Variants in LRBA observed in about 807,000 individuals in gnomAD.
The protein encoded by LRBA is lipopolysaccharide-responsive and beige-like anchor protein.
Under a neutral mutation model 330.0 loss-of-function variants are expected in LRBA, and 176 were observed. The ratio of observed to expected loss-of-function variants is 0.53; its 90% CI spans 0.47 to 0.60. The LOEUF is 0.60. LRBA is among the 20% of genes least tolerant of loss of function. The pLI, the probability that LRBA is intolerant of heterozygous loss-of-function variation, is 0.00. For missense variants in LRBA, 3,259 were observed against 3,444.8 expected (o/e 0.95, Z 1.35); for synonymous variants, 1,230 against 1,193.0 (o/e 1.03, Z -0.64).
chr4:150,649,546 C>T (rs560754950), intron 37 of LRBA, among the ~76,000 whole-genome samples: 3 of 152,258 alleles, frequency 2.0e-5, no homozygotes, highest in South Asian at 2.1e-4. Context: ...TCCCTGACCT[C>T]ATAGCTACAA....
At chr4:150,944,141 C>A (rs976705025) in intron 2 of LRBA, among the ~76,000 whole-genome samples, 6 of 152,176 alleles carry the variant, frequency 3.9e-5, no homozygotes, top group Admixed American at 3.3e-4. Context: ...ATCTAGCCAA[C>A]CTACTCCCAA....
intron 40 of LRBA, among the ~76,000 whole-genome samples, chr4:150,524,068 C>A (rs1244809720): frequency 6.6e-6 from 1 of 152,118 alleles, no homozygotes; most frequent in East Asian, 1.9e-4. Flanking sequence ...AATTGTGAAT[C>A]AGATGGTTCC....
intron 2 of LRBA, among the ~76,000 whole-genome samples, chr4:150,942,365 T>C (rs1236300083): frequency 6.6e-6 from 1 of 152,216 alleles, no homozygotes; most frequent in Non-Finnish European, 1.5e-5. Flanking sequence ...TTAAATTTGG[T>C]ATTCTCTACA....
chr4:150,440,606 T>C (rs1038791323), intron 44 of LRBA, among the ~76,000 whole-genome samples: 7 of 151,952 alleles, frequency 4.6e-5, no homozygotes, highest in Admixed American at 6.6e-5. Context: ...TGAGATCCTG[T>C]CTCTATAAAA....
At chr4:150,864,881 A>C (rs907669759) in intron 22 of LRBA, among the ~76,000 whole-genome samples, 2 of 152,042 alleles carry the variant, frequency 1.3e-5, no homozygotes, top group African/African-American at 4.8e-5. Flanking sequence ...TCCTGACCTC[A>C]AGTGATCCAG....
At position 150,817,267 on chromosome 4, in the gene LRBA, A is replaced by G. The variant is rs1744743086; in HGVS notation, c.5172-10T>C. On this transcript the variant is annotated splice_polypyrimidine_tract_variant and intron_variant, in intron 30 of 56. Coordinates refer to ENST00000651943, the MANE Select transcript of LRBA (RefSeq NM_001364905.1). ...TGCAACAATGACACTTCTGTAATAA[A>G]GAAAGTAAACAGACTGAAAGATACA... is the stretch of plus-strand genomic sequence containing the variant. The G allele has an allele frequency of 1.2e-6, 2 of 1,610,672 alleles. No individual in the cohort carries two copies. Among genetic ancestry groups the G allele is most frequent in the Admixed American group, 3.3e-5 (2 of 59,780 alleles).
Position 150,282,499 on chromosome 4 carries a change from C to T in LRBA, c.8267G>A (p.Ser2756Asn), listed in dbSNP as rs1747668514. ...FYENGLFCTFSVNGKLQATME... is the reference protein window; with the variant it reads ...FYENGLFCTFNVNGKLQATME... ...CGTGGCCTGGAGTTTTCCATTCACACTGAATGTACAGAAGAGGCCGTTTTC... is the reference window on the plus strand; with the variant it reads ...CGTGGCCTGGAGTTTTCCATTCACATTGAATGTACAGAAGAGGCCGTTTTC... The change falls in exon 55 of 57, where the codon AGT becomes AAT. Residue 2756 changes from serine (S) to asparagine (N), a missense_variant. Ser to Asn is a conservative substitution (Grantham distance 46). Transcript: ENST00000651943. The T allele has an allele frequency of 6.2e-7, 1 of 1,614,110 alleles. No homozygotes were observed. The highest frequency in any genetic ancestry group is 1.1e-5 in the South Asian group (1 of 91,090).
At chr4:150,801,539 A>G (rs1011796512) in intron 33 of LRBA, among the ~76,000 whole-genome samples, 3 of 152,218 alleles carry the variant, frequency 2.0e-5, no homozygotes, top group African/African-American at 7.2e-5. Context: ...ATTTCCATAT[A>G]AACTTTTCCT....
chr4:150,652,758 A>G (rs2126775598), intron 37 of LRBA, among the ~76,000 whole-genome samples: 1 of 152,332 alleles, frequency 6.6e-6, no homozygotes, highest in South Asian at 2.1e-4. Flanking sequence ...GAGACTAACC[A>G]CATTTGAAGT....
At chr4:150,996,708 T>C (rs1742685304) in intron 2 of LRBA, among the ~76,000 whole-genome samples, 1 of 152,158 alleles carries the variant, frequency 6.6e-6, no homozygotes, top group Admixed American at 6.5e-5. Context: ...TCCTGACAAA[T>C]TTAATCAAAT....
chr4:150,269,096 A>G (rs1228612764), intron 56 of LRBA, among the ~76,000 whole-genome samples: 2 of 152,234 alleles, frequency 1.3e-5, no homozygotes, highest in Admixed American at 1.3e-4. Context: ...AACAATGAGC[A>G]GTCCAAAAGG....
intron 51 of LRBA, among the ~76,000 whole-genome samples, chr4:150,312,150 A>C (rs1359511407): frequency 6.6e-6 from 1 of 152,150 alleles, no homozygotes; most frequent in African/African-American, 2.4e-5. Context: ...GAGTGACCAC[A>C]AAGTACCCAT....
chr4:150,760,554 A>AACAC (rs143415433), intron 35 of LRBA, among the ~76,000 whole-genome samples: 1,826 of 148,002 alleles, frequency 0.012, 30 homozygotes, highest in African/African-American at 0.039. Context: ...ACACCTCTCC[A>AACAC]ACACACACAC....
chr4:150,350,872 ATATT>A (rs905171533), intron 47 of LRBA, among the ~76,000 whole-genome samples: 72 of 152,200 alleles, frequency 4.7e-4, no homozygotes, highest in African/African-American at 1.7e-3. Flanking sequence ...TCCACTTGAA[ATATT>A]TATTATTTTT....
At chr4:150,918,471 G>C (rs567420203) in intron 5 of LRBA, among the ~76,000 whole-genome samples, 1 of 152,114 alleles carries the variant, frequency 6.6e-6, no homozygotes, top group Non-Finnish European at 1.5e-5. Flanking sequence ...GATACTGGCC[G>C]GGCACGGTGG....
intron 4 of LRBA, among the ~76,000 whole-genome samples, chr4:150,924,679 T>G (rs1284660524): frequency 6.6e-6 from 1 of 152,180 alleles, no homozygotes; most frequent in Non-Finnish European, 1.5e-5. Context: ...TTCACTGCAC[T>G]GCTATAACAG....
At chr4:151,004,479 A>G (rs1743780363) in intron 2 of LRBA, among the ~76,000 whole-genome samples, 1 of 152,216 alleles carries the variant, frequency 6.6e-6, no homozygotes, top group Non-Finnish European at 1.5e-5. Context: ...TGATTTCATC[A>G]CACTACTCAG....
At chr4:150,476,831 C>T (rs966100262) in intron 42 of LRBA, among the ~76,000 whole-genome samples, 5 of 152,120 alleles carry the variant, frequency 3.3e-5, no homozygotes, top group Non-Finnish European at 1.5e-5. Context: ...TATGCTTGTA[C>T]TGTAAGAGCT....
intron 40 of LRBA, among the ~76,000 whole-genome samples, chr4:150,545,015 G>A (rs1242489829): frequency 6.6e-6 from 1 of 152,122 alleles, no homozygotes; most frequent in East Asian, 1.9e-4. Flanking sequence ...GATGTGAAGT[G>A]CTTAACATCA....
Sources: gnomAD v4.1 joint callset for allele counts (sites outside exome capture counted in the v4.1 genomes callset) on GRCh38, gnomAD v4.1.1 for gene constraint, MANE v1.5 for transcripts, NCBI Gene and HGNC (gene_info 2026-07-23, HGNC 2026-07-21) for gene names.